The following ZNF207 variants were observed in gnomAD, a reference collection of about 807,000 sequenced individuals.
The protein encoded by ZNF207 is zinc finger protein 207, also known as BUB3-interacting and GLEBS motif-containing protein ZNF207.
Under a neutral mutation model 60.2 loss-of-function variants are expected in ZNF207, and 24 were observed. The ratio of observed to expected loss-of-function variants is 0.40; its 90% CI spans 0.29 to 0.56. The LOEUF (loss-of-function observed/expected upper bound fraction) is 0.56. Ranked by LOEUF, ZNF207 falls within the 20% of genes least tolerant of loss-of-function variation. ZNF207 has a pLI of 0.49. For synonymous variants in ZNF207, 236 were observed against 194.7 expected (o/e 1.21, Z -1.77); for missense variants, 452 against 636.6 (o/e 0.71, Z 3.12).
Position 32,379,561 on chromosome 17 carries a change from A to G in ZNF207, c.*9802A>G, listed in dbSNP as rs991339918. On this transcript the variant is annotated 3_prime_UTR_variant, in exon 12 of 12. Transcript: ENST00000394670. Reference sequence around the variant, plus strand: ...TTTCTTAGTGCTTTGGAGACATTGCATAGGTGTAAAATTAAGATACCAGAA... The same window carrying G: ...TTTCTTAGTGCTTTGGAGACATTGCGTAGGTGTAAAATTAAGATACCAGAA... 1.3e-5 allele frequency: 2 copies of G among 152,076 alleles called. No individual in the cohort carries two copies. The highest frequency in any genetic ancestry group is 2.1e-4 in the South Asian group (1 of 4,828). The allele number at this position is 152,076 out of a possible 1,614,324, so 9.4% of individuals were successfully genotyped here.
intron 2 of ZNF207, among the ~76,000 whole-genome samples, 154 bp from the exon 3 acceptor site, chr17:32,358,349 T>A (rs979650293): frequency 6.6e-6 from 1 of 152,228 alleles, no homozygotes; most frequent in African/African-American, 2.4e-5. Flanking sequence ...TTCACTGACA[T>A]GCTTAATGTC....
At position 32,376,928 on chromosome 17, in the gene ZNF207, T is replaced by C. The variant is rs893783322; in HGVS notation, c.*7169T>C. 1.3e-5 allele frequency: 2 copies of C among 152,044 alleles called. No individual in the cohort carries two copies. Among genetic ancestry groups the C allele is most frequent in the Non-Finnish European group, 2.9e-5 (2 of 67,914 alleles). 9.4% of individuals were successfully genotyped at this position (152,044 alleles called of 1,614,324 possible). A position where few individuals can be genotyped will look rare whatever the true frequency, so the allele number is the denominator to read the frequency against. ...GTGTTTGTAAAAAGGTGAAGTACTT[T>C]ATTGGCATTTTCTAAGCCCTCTGAC... On this transcript the variant is annotated 3_prime_UTR_variant, in exon 12 of 12. Transcript: ENST00000394670.
chr17:32,361,960 A>T (rs1005396593), intron 6 of ZNF207, among the ~76,000 whole-genome samples: 2 of 152,170 alleles, frequency 1.3e-5, no homozygotes, highest in Admixed American at 6.6e-5. Flanking sequence ...TCATTTTTTA[A>T]GTGAATTGGA....
At chr17:32,356,360 G>C (rs372884697) in intron 2 of ZNF207, among the ~76,000 whole-genome samples, 2 of 152,122 alleles carry the variant, frequency 1.3e-5, no homozygotes, top group East Asian at 3.8e-4. Context: ...TCTTTATTAA[G>C]AATAGCAAAA....
At chr17:32,354,372 C>T (rs908759092) in intron 2 of ZNF207, among the ~76,000 whole-genome samples, 6 of 152,014 alleles carry the variant, frequency 3.9e-5, no homozygotes, top group Admixed American at 1.3e-4. Context: ...GAGTTTTGCT[C>T]TGTCTTGTGC....
In ZNF207 at chr17:32,350,493, G is replaced by A. The variant is rs2041480741; in HGVS notation, c.41+167G>A. 1.2e-5 allele frequency: 10 copies of A among 812,706 alleles called. No homozygotes were observed. The South Asian group carries it at 1.6e-4, about 13-fold the overall frequency. 50.3% of individuals were successfully genotyped at this position (812,706 alleles called of 1,614,324 possible). ...CTTGGGAAGGCTTCTAGGAAAATGG[G>A]GTTCCGAGGTCGACAGGCTTTTGCA... is the stretch of plus-strand genomic sequence containing the variant. On this transcript the variant is annotated intron_variant, in intron 1 of 11. Coordinates refer to ENST00000394670, the MANE Select transcript of ZNF207 (RefSeq NM_001098507.2).
rs1905569942 is a variant in ZNF207 at position 32,373,915 on chromosome 17, AGACGG to A, written c.*4157_*4161del. The A allele has an allele frequency of 6.6e-6, 1 of 152,278 alleles. No homozygotes were observed. Among genetic ancestry groups the A allele is most frequent in the Admixed American group, 6.5e-5 (1 of 15,290 alleles). 9.4% of individuals were successfully genotyped at this position (152,278 alleles called of 1,614,324 possible). On this transcript the variant is annotated 3_prime_UTR_variant, in exon 12 of 12. Transcript: ENST00000394670. ...ACTGAAATGTGCCTTCTCTTTTTTGAGACGGAGTTTCACTCTTATCACCCAGGATG... is the reference window on the plus strand; with the variant it reads ...ACTGAAATGTGCCTTCTCTTTTTTGAAGTTTCACTCTTATCACCCAGGATG...
rs1285754009 is a variant in ZNF207 at position 32,367,980 on chromosome 17, G to A, written c.1130G>A (p.Ser377Asn). ...PATLTTTSATSKLIHPDEDIS... is the reference protein window; with the variant it reads ...PATLTTTSATNKLIHPDEDIS... The stretch of plus-strand genomic sequence containing the variant: ...ACACTTACAACAACTAGTGCAACCA[G>A]TAAGTTGATCCATCCAGATGAGGAT... The change falls in exon 10 of 12, where the codon AGT (serine) becomes AAT (asparagine). Residue 377 changes from serine to asparagine, a missense_variant. By Grantham distance (46) the Ser-to-Asn change is conservative. Transcript: ENST00000394670. The A allele has an allele frequency of 2.5e-6, 4 of 1,614,056 alleles. No homozygotes were observed. The highest frequency in any genetic ancestry group is 3.4e-6 in the Non-Finnish European group (4 of 1,180,020).
chr17:32,355,242 A>G (rs1295561087), intron 2 of ZNF207, among the ~76,000 whole-genome samples: 2 of 152,090 alleles, frequency 1.3e-5, no homozygotes, highest in East Asian at 1.9e-4. Flanking sequence ...AAAAAATGCA[A>G]AGTTGGGCAT....
Position 32,367,847 on chromosome 17 carries a change from C to A in ZNF207, c.997C>A (p.Pro333Thr). The change falls in exon 10 of 12, where the codon CCC (proline) becomes ACC (threonine). Residue 333 changes from proline to threonine, a missense_variant. By Grantham distance (38) the Pro-to-Thr change is conservative. Around this residue, in one of 2 missense-constraint regions of ZNF207, gnomAD observed 390 missense variants for 461.4 expected, o/e 0.85. Coordinates refer to ENST00000394670, the MANE Select transcript of ZNF207 (RefSeq NM_001098507.2). Reference sequence around the variant, plus strand: ...TAGTACCCCTGCAACAACTACAGAACCCCCAAAGCCTACATTCCCTGCTTA... The same window carrying A: ...TAGTACCCCTGCAACAACTACAGAAACCCCAAAGCCTACATTCCCTGCTTA... ...LNSTPATTTE[P>T]PKPTFPAYTQ... 6.2e-7 allele frequency: 1 copy of A among 1,614,102 alleles called. No individual in the cohort carries two copies.
intron 10 of ZNF207, 164 bp from the exon 11 acceptor site, chr17:32,369,131 G>GT (rs553535054): frequency 1.1e-4 from 75 of 656,914 alleles, no homozygotes; most frequent in African/African-American, 1.1e-3. Flanking sequence ...GGTATCTAGA[G>GT]TTTAAGTAGT....
intron 7 of ZNF207, among the ~76,000 whole-genome samples, chr17:32,364,909 G>A (rs1905091579): frequency 6.6e-6 from 1 of 152,206 alleles, no homozygotes; most frequent in Non-Finnish European, 1.5e-5. Context: ...AAAGTATGTA[G>A]TAGTGATGTG....
intron 7 of ZNF207, among the ~76,000 whole-genome samples, chr17:32,363,647 T>C (rs1905013424): frequency 6.8e-6 from 1 of 146,830 alleles, no homozygotes; most frequent in African/African-American, 2.5e-5. Flanking sequence ...TTCTCCTGCC[T>C]CAGCCTCCCG....
chr17:32,356,599 G>C (rs1904520230), intron 2 of ZNF207, among the ~76,000 whole-genome samples: 1 of 152,122 alleles, frequency 6.6e-6, no homozygotes, highest in Non-Finnish European at 1.5e-5. Flanking sequence ...AAATGTCTTA[G>C]GAGGAAAGAA....
chr17:32,350,381 C>T (rs2041478744), intron 1 of ZNF207, 55 bp downstream of exon 1: 1 of 1,610,760 alleles, frequency 6.2e-7, no homozygotes. Flanking sequence ...TTGTTGGGGC[C>T]TGGGACTAGG....
intron 8 of ZNF207, 29 bp from the exon 9 acceptor site, chr17:32,366,636 T>C (rs1362985316): frequency 1.3e-6 from 2 of 1,575,426 alleles, no homozygotes; most frequent in South Asian, 1.2e-5. Context: ...TTGGAGACTT[T>C]TCATTGTTTC....
intron 2 of ZNF207, among the ~76,000 whole-genome samples, chr17:32,355,537 A>G (rs1904456203): frequency 6.6e-6 from 1 of 152,224 alleles, no homozygotes. Flanking sequence ...TTACCGAAGC[A>G]GTTTGATGTA....
In ZNF207 at chr17:32,378,244, T is replaced by A. The variant is rs764080767; in HGVS notation, c.*8485T>A. 2 of 152,004 alleles carry A rather than the reference T, an allele frequency of 1.3e-5. No homozygotes were observed. The highest frequency in any genetic ancestry group is 2.9e-5 in the Non-Finnish European group (2 of 67,896). The allele number at this position is 152,004 out of a possible 1,614,324, so 9.4% of individuals were successfully genotyped here. On this transcript the variant is annotated 3_prime_UTR_variant, in exon 12 of 12. Transcript: ENST00000394670. ...CATTGTACATAAAAGGAAAAGACAG[T>A]TTCAGTTGGCTATGCCCTTGTTGAT...
At chr17:32,363,785 C>T (rs772763784) in intron 7 of ZNF207, among the ~76,000 whole-genome samples, 45 of 152,132 alleles carry the variant, frequency 3.0e-4, no homozygotes, top group Non-Finnish European at 5.0e-4. Context: ...CCTGCCTTGG[C>T]CTCCCGAAGT....
Sources: allele counts gnomAD v4.1 joint callset (sites outside exome capture counted in the v4.1 genomes callset), GRCh38; gene constraint gnomAD v4.1.1; regional missense constraint gnomAD v4.1.1; transcripts MANE v1.5; gene names NCBI Gene and HGNC (gene_info 2026-07-23, HGNC 2026-07-21).